Variants in SLC30A7 observed in about 807,000 individuals in gnomAD.
SLC30A7 encodes the protein solute carrier family 30 member 7.
Under a neutral mutation model 46.0 loss-of-function variants are expected in SLC30A7, and 35 were observed. That is an observed-to-expected ratio of 0.76 (90% CI 0.58 to 1.01). The LOEUF (loss-of-function observed/expected upper bound fraction) is 1.01, where lower values mean the gene tolerates loss of function less well. Among genes scored for constraint, SLC30A7 ranks in the 50% least tolerant of loss-of-function variants. SLC30A7 has a pLI of 0.00. For synonymous variants in SLC30A7, 147 were observed against 157.8 expected (o/e 0.93, Z 0.51); for missense variants, 464 against 451.1 (o/e 1.03, Z -0.26).
chr1:100,935,077 T>C (rs1653872758), intron 8 of SLC30A7, among the ~76,000 whole-genome samples: 3 of 152,222 alleles, frequency 2.0e-5, no homozygotes, highest in Non-Finnish European at 4.4e-5. Context: ...TATTTGTGTT[T>C]AATATATGCT....
chr1:100,937,939 C>T (rs1288810927), intron 8 of SLC30A7, among the ~76,000 whole-genome samples: 1 of 152,100 alleles, frequency 6.6e-6, no homozygotes, highest in Non-Finnish European at 1.5e-5. Context: ...GGTCCAGCTT[C>T]CTTCTTTTGC....
chr1:100,954,280 T>A (rs1447778856), intron 8 of SLC30A7, among the ~76,000 whole-genome samples: 1 of 152,214 alleles, frequency 6.6e-6, no homozygotes, highest in Non-Finnish European at 1.5e-5. Flanking sequence ...CCACTAACTC[T>A]TACCTATGTA....
chr1:100,985,590 A>G (rs942892284), downstream of SLC30A7, among the ~76,000 whole-genome samples: 9 of 152,254 alleles, frequency 5.9e-5, no homozygotes, highest in Admixed American at 4.6e-4. Context: ...ATAGAACAGC[A>G]AGAGTTCAGA....
intron 2 of SLC30A7, among the ~76,000 whole-genome samples, chr1:100,903,720 A>G (rs1397029849): frequency 2.0e-5 from 3 of 152,170 alleles, no homozygotes; most frequent in Non-Finnish European, 4.4e-5. Flanking sequence ...AGGTTTATAA[A>G]TTATTGTGCT....
At chr1:100,916,458 T>A (rs1402986004) in intron 6 of SLC30A7, among the ~76,000 whole-genome samples, 1 of 152,216 alleles carries the variant, frequency 6.6e-6, no homozygotes, top group East Asian at 1.9e-4. Context: ...CTGCTGAGAT[T>A]ACAGGTGTGA....
rs1656702601 is a variant in SLC30A7 at position 100,978,456 on chromosome 1, T to C, written c.*3599T>C. 1 of 152,200 alleles carries C rather than the reference T, an allele frequency of 6.6e-6. No homozygotes were observed. The highest frequency in any genetic ancestry group is 2.1e-4 in the South Asian group (1 of 4,830). 9.4% of individuals were successfully genotyped at this position (152,200 alleles called of 1,614,324 possible). On this transcript the variant is annotated 3_prime_UTR_variant, in exon 11 of 11. Transcript: ENST00000357650. ...CATATTTACATTGCTTAACACAGAA[T>C]TTTACATCTAAGCAAGGACTGGCTT...
intron 10 of SLC30A7, among the ~76,000 whole-genome samples, chr1:100,973,609 A>G (rs573869747): frequency 6.6e-6 from 1 of 152,288 alleles, no homozygotes; most frequent in East Asian, 1.9e-4. Flanking sequence ...TGTATAATAC[A>G]TCGCAAGGTG....
At chr1:100,966,188 G>A (rs902539523) in intron 10 of SLC30A7, among the ~76,000 whole-genome samples, 1 of 151,048 alleles carries the variant, frequency 6.6e-6, no homozygotes, top group Admixed American at 6.6e-5. Flanking sequence ...TGATCCAGTT[G>A]CACTCCAGCC....
At chr1:100,921,307 T>C (rs1652921577) in intron 7 of SLC30A7, among the ~76,000 whole-genome samples, 1 of 152,112 alleles carries the variant, frequency 6.6e-6, no homozygotes, top group African/African-American at 2.4e-5. Flanking sequence ...TATGTACGTA[T>C]ATCTATAGTT....
intron 2 of SLC30A7, among the ~76,000 whole-genome samples, chr1:100,905,877 C>T (rs1268778501): frequency 6.6e-6 from 1 of 152,114 alleles, no homozygotes; most frequent in Non-Finnish European, 1.5e-5. Context: ...ACATTGGGGC[C>T]ATTTCTGGTT....
chr1:100,988,896 TG>T, the SLC30A7 span, among the ~76,000 whole-genome samples: 1 of 151,758 alleles, frequency 6.6e-6, no homozygotes, highest in African/African-American at 2.4e-5. Flanking sequence ...AAAAAAGAGA[TG>T]TTTCATATAT....
chr1:100,911,157 T>C lies in SLC30A7; in HGVS notation c.384+7T>C, dbSNP rs745766132. ...TTTCTCAGAAGGAGTTGAGGTATAG[T>C]AGATAATTATTAAAGTCAGTAAATT... On this transcript the variant is annotated splice_region_variant and intron_variant, in intron 4 of 10. Coordinates refer to ENST00000357650, the MANE Select transcript of SLC30A7 (RefSeq NM_133496.5). 1.9e-6 allele frequency: 3 copies of C among 1,549,704 alleles called. No individual in the cohort carries two copies. Among genetic ancestry groups the C allele is most frequent in the Non-Finnish European group, 2.7e-6 (3 of 1,128,532 alleles).
chr1:100,900,432 AG>A (rs1651240130), intron 2 of SLC30A7, among the ~76,000 whole-genome samples: 1 of 152,228 alleles, frequency 6.6e-6, no homozygotes, highest in Admixed American at 6.5e-5. Context: ...TCCTTAGTGA[AG>A]AAAAATACTT....
intron 2 of SLC30A7, among the ~76,000 whole-genome samples, chr1:100,906,302 G>T (rs1407536818): frequency 6.6e-6 from 1 of 152,118 alleles, no homozygotes; most frequent in Non-Finnish European, 1.5e-5. Flanking sequence ...TTGGTGGGGA[G>T]GGTGGGACTA....
At chr1:100,956,868 A>G (rs1010924788) in intron 8 of SLC30A7, among the ~76,000 whole-genome samples, 19 of 152,246 alleles carry the variant, frequency 1.2e-4, no homozygotes, top group African/African-American at 4.3e-4. Flanking sequence ...AATGGATACA[A>G]GCATAATATG....
intron 8 of SLC30A7, among the ~76,000 whole-genome samples, chr1:100,923,461 A>C (rs1032228460): frequency 3.9e-5 from 6 of 152,216 alleles, no homozygotes; most frequent in Non-Finnish European, 7.3e-5. Flanking sequence ...TTATTTGAAC[A>C]GGGAAATAAC....
intron 2 of SLC30A7, among the ~76,000 whole-genome samples, chr1:100,905,623 G>A (rs943529336): frequency 6.6e-6 from 1 of 151,554 alleles, no homozygotes; most frequent in South Asian, 2.1e-4. Context: ...TTCTCTTTGT[G>A]TTGCACTTTG....
intron 2 of SLC30A7, among the ~76,000 whole-genome samples, chr1:100,903,058 A>G (rs930670704): frequency 6.6e-6 from 1 of 152,148 alleles, no homozygotes; most frequent in Admixed American, 6.5e-5. Context: ...AGCTATATAT[A>G]CTAATAAAAC....
chr1:100,902,481 T>C (rs1327597408), intron 2 of SLC30A7, among the ~76,000 whole-genome samples: 1 of 152,118 alleles, frequency 6.6e-6, no homozygotes, highest in East Asian at 1.9e-4. Context: ...AAAAGGAGTG[T>C]GTGTTAGTTT....
Sources: gnomAD v4.1 joint callset for allele counts (sites outside exome capture counted in the v4.1 genomes callset) on GRCh38, gnomAD v4.1.1 for gene constraint, MANE v1.5 for transcripts, NCBI Gene and HGNC (gene_info 2026-07-23, HGNC 2026-07-21) for gene names.